The following IFRD1 variants were observed in gnomAD, a reference collection of about 807,000 sequenced individuals.
IFRD1 encodes interferon-related developmental regulator 1.
A neutral mutation model predicts 52.9 loss-of-function variants in IFRD1; 35 were observed. The observed-to-expected ratio is 0.66, with a 90% confidence interval of 0.51 to 0.88. IFRD1 has a LOEUF of 0.88. Among genes scored for constraint, IFRD1 ranks in the 40% least tolerant of loss-of-function variants. IFRD1 has a pLI of 0.00. For synonymous variants in IFRD1, 184 were observed against 188.4 expected (o/e 0.98, Z 0.19); for missense variants, 517 against 550.8 (o/e 0.94, Z 0.61).
chr7:112,469,529 G>C (rs1403231067), intron 9 of IFRD1, among the ~76,000 whole-genome samples: 1 of 151,958 alleles, frequency 6.6e-6, no homozygotes, highest in East Asian at 1.9e-4. Context: ...TTTTCTTTAA[G>C]TAACTATAAA....
chr7:112,472,251 T>C lies in IFRD1; in HGVS notation c.1074T>C (p.Phe358=). ...ERDFPTETIK[F]GPERMYIDCW... Reference sequence around the variant, plus strand: ...ATTTTCCAACAGAAACCATTAAATTTGGTCCTGAACGCATGTATATTGATT... The same window carrying C: ...ATTTTCCAACAGAAACCATTAAATTCGGTCCTGAACGCATGTATATTGATT... Residue 358 remains phenylalanine (F), a synonymous_variant, in exon 10 of 12, where the codon TTT becomes TTC. Transcript: ENST00000403825. 6.2e-7 allele frequency: 1 copy of C among 1,614,096 alleles called. No individual in the cohort carries two copies. The highest frequency in any genetic ancestry group is 1.7e-5 in the Admixed American group (1 of 60,022).
Position 112,462,035 on chromosome 7 carries a change from T to A in IFRD1, c.653T>A (p.Ile218Asn), listed in dbSNP as rs1483579642. The A allele has an allele frequency of 2.5e-6, 4 of 1,613,212 alleles. No individual in the cohort carries two copies. The highest frequency in any genetic ancestry group is 2.7e-5 in the African/African-American group (2 of 74,908). The stretch of plus-strand genomic sequence containing the variant: ...TCAACTCTGGAATGTTTGGAAAATA[T>A]CTTCACTAAATCCTATCTCAAAGAG... ...LYSTLECLEN[I>N]FTKSYLKEKD... Residue 218 changes from isoleucine (I) to asparagine (N), a missense_variant, in exon 7 of 12, where the codon ATC (isoleucine) becomes AAC (asparagine). Physicochemically the swap from Ile to Asn is moderately radical, Grantham distance 149 (BLOSUM62 -3). Transcript: ENST00000403825.
chr7:112,450,958 G>A, intron 1 of IFRD1, 176 bp downstream of exon 1: 1 of 649,790 alleles, frequency 1.5e-6, no homozygotes, highest in Non-Finnish European at 2.8e-6. Context: ...TGCTCCTCGC[G>A]CGATTTAGAT....
intron 1 of IFRD1, among the ~76,000 whole-genome samples, chr7:112,438,890 G>A (rs942372499): frequency 6.6e-6 from 1 of 152,148 alleles, no homozygotes; most frequent in Non-Finnish European, 1.5e-5. Flanking sequence ...CATAATGAAA[G>A]TTAGCCACCT....
At chr7:112,474,079 ATTC>A (rs1795831141) in intron 11 of IFRD1, among the ~76,000 whole-genome samples, 1 of 152,122 alleles carries the variant, frequency 6.6e-6, no homozygotes, top group Non-Finnish European at 1.5e-5. Context: ...AGAGAGCTTT[ATTC>A]TTTTTTGTGG....
At chr7:112,456,683 T>C (rs560285501) in intron 3 of IFRD1, among the ~76,000 whole-genome samples, 1 of 152,322 alleles carries the variant, frequency 6.6e-6, no homozygotes, top group South Asian at 2.1e-4. Context: ...AAGTTGTGGC[T>C]ATCAAACTAA....
intron 5 of IFRD1, among the ~76,000 whole-genome samples, chr7:112,459,243 A>T (rs570302451): frequency 3.3e-5 from 5 of 152,304 alleles, no homozygotes; most frequent in African/African-American, 1.2e-4. Flanking sequence ...AGATAATTCT[A>T]TATTTATGGA....
At chr7:112,445,837 G>T (rs1795015833), upstream of IFRD1, among the ~76,000 whole-genome samples, 1 of 152,112 alleles carries the variant, frequency 6.6e-6, no homozygotes, top group South Asian at 2.1e-4. Context: ...CAAGTAGCAT[G>T]TAGCTTGTAT....
chr7:112,455,545 G>T (rs4727772), intron 1 of IFRD1, among the ~76,000 whole-genome samples: 1 of 152,120 alleles, frequency 6.6e-6, no homozygotes, highest in African/African-American at 2.4e-5. Flanking sequence ...GGACTGATGC[G>T]TATAGTTGAT....
chr7:112,441,493 T>C (rs537186212), intron 1 of IFRD1, among the ~76,000 whole-genome samples: 3 of 151,954 alleles, frequency 2.0e-5, no homozygotes, highest in African/African-American at 7.2e-5. Context: ...AGGAATTCAA[T>C]TGAGTCTCTG....
At chr7:112,471,976 GT>G (rs1303656277) in intron 9 of IFRD1, among the ~76,000 whole-genome samples, 5 of 152,080 alleles carry the variant, frequency 3.3e-5, no homozygotes, top group African/African-American at 1.2e-4. Context: ...CAACAATGTG[GT>G]TTTTGCCTTA....
chr7:112,452,385 C>A, intron 1 of IFRD1: 1 of 764,664 alleles, frequency 1.3e-6, no homozygotes, highest in Non-Finnish European at 1.6e-6. Flanking sequence ...ACGAGTCCCT[C>A]GTCCCCAGGG....
intron 1 of IFRD1, among the ~76,000 whole-genome samples, chr7:112,427,249 A>C (rs1794447621): frequency 6.6e-6 from 1 of 152,244 alleles, no homozygotes; most frequent in Non-Finnish European, 1.5e-5. Flanking sequence ...CAGAGCCCTC[A>C]TGACCTAAAC....
chr7:112,451,736 G>A (rs1200458069), intron 1 of IFRD1, among the ~76,000 whole-genome samples: 1 of 152,142 alleles, frequency 6.6e-6, no homozygotes, highest in Non-Finnish European at 1.5e-5. Context: ...CTCAAATCGA[G>A]TATTAAATAA....
chr7:112,457,729 C>A (rs1795331449), intron 4 of IFRD1: 1 of 152,080 alleles, frequency 6.6e-6, no homozygotes, highest in African/African-American at 2.4e-5. Flanking sequence ...ACAAACAAAA[C>A]AAAACGAGAT....
chr7:112,427,026 C>T (rs1794443370), intron 1 of IFRD1, among the ~76,000 whole-genome samples: 1 of 152,160 alleles, frequency 6.6e-6, no homozygotes, highest in Non-Finnish European at 1.5e-5. Flanking sequence ...TCACTTTGGG[C>T]ACATGTCGTC....
intron 1 of IFRD1, among the ~76,000 whole-genome samples, chr7:112,434,442 C>T (rs1404665108): frequency 1.3e-5 from 2 of 152,108 alleles, no homozygotes; most frequent in Non-Finnish European, 2.9e-5. Flanking sequence ...GCCCTGGATC[C>T]CACAGCAGGA....
At chr7:112,433,805 G>C (rs1794601117) in intron 1 of IFRD1, among the ~76,000 whole-genome samples, 1 of 151,798 alleles carries the variant, frequency 6.6e-6, no homozygotes, top group Non-Finnish European at 1.5e-5. Flanking sequence ...TTTTGTAAAG[G>C]CAGTTTCACA....
chr7:112,448,025 CTA>C (rs372839571), upstream of IFRD1, among the ~76,000 whole-genome samples: 1 of 148,578 alleles, frequency 6.7e-6, no homozygotes, highest in Non-Finnish European at 1.5e-5. Flanking sequence ...GTTCATTTAA[CTA>C]TATATATACT....
Sources: allele counts gnomAD v4.1 joint callset (sites outside exome capture counted in the v4.1 genomes callset), GRCh38; gene constraint gnomAD v4.1.1; transcripts MANE v1.5; gene names NCBI Gene and HGNC (gene_info 2026-07-23, HGNC 2026-07-21).